TRPM3: variants seen among roughly 807,000 people sequenced by gnomAD.
TRPM3 encodes long transient receptor potential channel 3.
In TRPM3, 77 loss-of-function variants were observed where a neutral mutation model predicts 181.2. The ratio of observed to expected loss-of-function variants is 0.42; its 90% CI spans 0.35 to 0.51. The LOEUF is 0.51. TRPM3 is among the 20% of genes least tolerant of loss of function. TRPM3 has a pLI of 0.01. For synonymous variants in TRPM3, 745 were observed against 796.4 expected (o/e 0.94, Z 1.09); for missense variants, 1,759 against 2,196.7 (o/e 0.80, Z 3.98).
At chr9:71,356,482 G>T (rs2091902594) in intron 1 of TRPM3, among the ~76,000 whole-genome samples, 1 of 152,128 alleles carries the variant, frequency 6.6e-6, no homozygotes, top group African/African-American at 2.4e-5. Flanking sequence ...TAGAGACGTA[G>T]TTAGGAGGAT....
chr9:71,300,916 C>T (rs900480351), intron 1 of TRPM3, among the ~76,000 whole-genome samples: 1 of 152,066 alleles, frequency 6.6e-6, no homozygotes, highest in East Asian at 1.9e-4. Context: ...CAATAAAATG[C>T]CTTAAGTAGC....
intron 19 of TRPM3, among the ~76,000 whole-genome samples, chr9:70,606,342 C>CT (rs1290777887): frequency 7.9e-5 from 12 of 151,558 alleles, no homozygotes; most frequent in South Asian, 2.1e-4. Context: ...CACCTCTCTT[C>CT]TTTTTTTTTA....
At chr9:70,898,174 G>C (rs1427247462) in intron 1 of TRPM3, among the ~76,000 whole-genome samples, 1 of 151,368 alleles carries the variant, frequency 6.6e-6, no homozygotes, top group Non-Finnish European at 1.5e-5. Flanking sequence ...CCAGGCTGGA[G>C]TGCAGTGGCG....
chr9:70,758,811 A>G (rs189942970), intron 8 of TRPM3, among the ~76,000 whole-genome samples: 15 of 152,312 alleles, frequency 9.8e-5, no homozygotes, highest in Non-Finnish European at 1.6e-4. Flanking sequence ...CCTTCCTTAC[A>G]CCTTATACAA....
chr9:70,842,292 C>T (rs1244839457), intron 5 of TRPM3, among the ~76,000 whole-genome samples: 6 of 152,072 alleles, frequency 3.9e-5, no homozygotes, highest in Non-Finnish European at 8.8e-5. Flanking sequence ...GCCTGCATTG[C>T]CATTGGTAAC....
chr9:71,169,843 T>C (rs2076753644), intron 1 of TRPM3, among the ~76,000 whole-genome samples: 1 of 150,654 alleles, frequency 6.6e-6, no homozygotes, highest in Admixed American at 6.6e-5. Flanking sequence ...TTTATATTTT[T>C]TATAAAAATT....
At chr9:71,343,455 TTATG>T (rs2091095259) in intron 1 of TRPM3, among the ~76,000 whole-genome samples, 2 of 152,040 alleles carry the variant, frequency 1.3e-5, no homozygotes, top group African/African-American at 4.8e-5. Flanking sequence ...TGGGGTTACT[TTATG>T]TATATTATGT....
chr9:70,795,003 C>A (rs1042127996), intron 6 of TRPM3, among the ~76,000 whole-genome samples: 1 of 152,160 alleles, frequency 6.6e-6, no homozygotes, highest in African/African-American at 2.4e-5. Flanking sequence ...GTCCTCATTC[C>A]CTAAACAATA....
intron 1 of TRPM3, among the ~76,000 whole-genome samples, chr9:71,079,705 T>C (rs921479539): frequency 6.6e-6 from 1 of 152,170 alleles, no homozygotes; most frequent in Non-Finnish European, 1.5e-5. Context: ...GCTGGCTTAG[T>C]AGTCAACAGG....
chr9:70,889,087 C>T (rs2096147229), intron 1 of TRPM3, among the ~76,000 whole-genome samples: 1 of 152,062 alleles, frequency 6.6e-6, no homozygotes, highest in Non-Finnish European at 1.5e-5. Flanking sequence ...GGTGGCACAG[C>T]CAGCAAGAAA....
intron 1 of TRPM3, among the ~76,000 whole-genome samples, chr9:71,342,165 T>C (rs1426312920): frequency 2.0e-5 from 3 of 149,110 alleles, no homozygotes; most frequent in Non-Finnish European, 4.5e-5. Flanking sequence ...CACTTTTAAA[T>C]ATCTTCTCTT....
upstream of TRPM3, among the ~76,000 whole-genome samples, chr9:71,124,798 C>G (rs1349608557): frequency 6.6e-6 from 1 of 152,100 alleles, no homozygotes; most frequent in East Asian, 1.9e-4. Context: ...GTAAAAGGAG[C>G]TGACCCATGA....
chr9:70,811,737 C>T (rs1286272441), intron 6 of TRPM3, among the ~76,000 whole-genome samples: 1 of 152,076 alleles, frequency 6.6e-6, no homozygotes, highest in African/African-American at 2.4e-5. Context: ...GTTCTAGTTT[C>T]AAGTGTTTAG....
chr9:70,770,232 A>G (rs962336641), intron 7 of TRPM3, among the ~76,000 whole-genome samples: 1 of 152,142 alleles, frequency 6.6e-6, no homozygotes, highest in Non-Finnish European at 1.5e-5. Context: ...CCAACTCAAA[A>G]ACATATATTT....
chr9:70,811,511 C>T (rs1032597095), intron 6 of TRPM3, among the ~76,000 whole-genome samples: 6 of 152,136 alleles, frequency 3.9e-5, no homozygotes, highest in Non-Finnish European at 7.3e-5. Flanking sequence ...TAGATAGCTT[C>T]TGTGGTGTGG....
At chr9:71,416,010 A>ATT (rs59512793) in intron 1 of TRPM3, among the ~76,000 whole-genome samples, 97 of 142,626 alleles carry the variant, frequency 6.8e-4, no homozygotes, top group African/African-American at 2.3e-3. Context: ...TAATATTCCA[A>ATT]TTTTTTTTTT....
chr9:71,107,146 C>T (rs1387364935), intron 1 of TRPM3, among the ~76,000 whole-genome samples: 2 of 151,996 alleles, frequency 1.3e-5, no homozygotes, highest in East Asian at 3.9e-4. Context: ...ATAAATATAC[C>T]CCCAACCCTG....
At chr9:71,178,876 G>A (rs748994655) in intron 1 of TRPM3, among the ~76,000 whole-genome samples, 42 of 152,026 alleles carry the variant, frequency 2.8e-4, no homozygotes, top group Non-Finnish European at 5.3e-4. Context: ...TTACTTCAGC[G>A]GAGTTTCTTC....
chr9:71,272,268 G>A (rs568694356), intron 1 of TRPM3, among the ~76,000 whole-genome samples: 10 of 152,150 alleles, frequency 6.6e-5, no homozygotes, highest in African/African-American at 2.4e-4. Context: ...TATTTTAAAG[G>A]TGACTGTAAT....
Sources: allele counts gnomAD v4.1 joint callset (sites outside exome capture counted in the v4.1 genomes callset), GRCh38; gene constraint gnomAD v4.1.1; transcripts MANE v1.5; gene names NCBI Gene and HGNC (gene_info 2026-07-23, HGNC 2026-07-21).